The following PPP2R5E variants were observed in gnomAD, a reference collection of about 807,000 sequenced individuals.
The protein encoded by PPP2R5E is protein phosphatase 2 regulatory subunit B'epsilon, also known as serine/threonine-protein phosphatase 2A 56 kDa regulatory subunit epsilon isoform.
In PPP2R5E, 4 loss-of-function variants were observed where a neutral mutation model predicts 65.3. The ratio of observed to expected loss-of-function variants is 0.06; its 90% CI spans 0.03 to 0.14. The LOEUF is 0.14. PPP2R5E is among the 10% of genes least tolerant of loss of function. The pLI is 1.00. For missense variants in PPP2R5E, 274 were observed against 556.1 expected (o/e 0.49, Z 5.10); for synonymous variants, 183 against 187.4 (o/e 0.98, Z 0.19).
At chr14:63,407,202 G>A (rs896744048) in intron 5 of PPP2R5E, among the ~76,000 whole-genome samples, 2 of 152,016 alleles carry the variant, frequency 1.3e-5, no homozygotes, top group African/African-American at 2.4e-5. Flanking sequence ...GTCCAAGGTC[G>A]AATACAAAAA....
chr14:63,376,050 A>G lies in PPP2R5E; in HGVS notation c.1363T>C (p.Leu455=). 6.2e-7 allele frequency: 1 copy of G among 1,609,710 alleles called. No individual in the cohort carries two copies. The highest frequency in any genetic ancestry group is 8.5e-7 in the Non-Finnish European group (1 of 1,176,248). ...ELWKKLEDLE[L]KRGLRRDGII... Reference sequence around the variant, plus strand: ...CCATCACGTCTAAGACCTCTCTTTAACTCCAGATCCTCCAATTTTTTCCAC... The same window carrying G: ...CCATCACGTCTAAGACCTCTCTTTAGCTCCAGATCCTCCAATTTTTTCCAC... The change falls in exon 14 of 14, where the codon TTA becomes CTA. Residue 455 remains leucine, a synonymous_variant. Transcript: ENST00000337537.
In PPP2R5E at chr14:63,539,551, T is replaced by G; in HGVS notation, c.135A>C (p.Leu45Phe). The G allele has an allele frequency of 6.2e-7, 1 of 1,614,072 alleles. No individual in the cohort carries two copies. The highest frequency in any genetic ancestry group is 8.5e-7 in the Non-Finnish European group (1 of 1,179,940). Residue 45 changes from leucine (L) to phenylalanine (F), a missense_variant, in exon 2 of 14, where the codon TTA (leucine) becomes TTC (phenylalanine). Leu to Phe is a conservative substitution (Grantham distance 22). This residue lies in a region of PPP2R5E where 58 missense variants were observed against 64.8 expected (regional missense o/e 0.90). Coordinates refer to ENST00000337537, the MANE Select transcript of PPP2R5E (RefSeq NM_006246.5). Reference sequence around the variant, plus strand: ...TACCTTTTAGCAGCGGCAGAGGTGTTAACTCAATAGGCTTGCCTTGAGACC... The same window carrying G: ...TACCTTTTAGCAGCGGCAGAGGTGTGAACTCAATAGGCTTGCCTTGAGACC... Reference protein sequence around the residue: ...QFRSQGKPIELTPLPLLKDVP... With the variant: ...QFRSQGKPIEFTPLPLLKDVP...
chr14:63,401,728 T>C (rs960120667), intron 5 of PPP2R5E, among the ~76,000 whole-genome samples: 20 of 152,048 alleles, frequency 1.3e-4, no homozygotes, highest in Admixed American at 5.2e-4. Context: ...GAGAGAAAAT[T>C]TAGACTTATT....
intron 12 of PPP2R5E, among the ~76,000 whole-genome samples, chr14:63,384,162 T>G (rs1205125994): frequency 1.3e-5 from 2 of 151,972 alleles, no homozygotes; most frequent in African/African-American, 4.8e-5. Flanking sequence ...GGCCATGCTG[T>G]CAGTATCTAC....
At chr14:63,485,215 A>C (rs1186513756) in intron 2 of PPP2R5E, among the ~76,000 whole-genome samples, 1 of 151,758 alleles carries the variant, frequency 6.6e-6, no homozygotes, top group Non-Finnish European at 1.5e-5. Context: ...AAAAAAAAAA[A>C]ACATACTGGC....
intron 2 of PPP2R5E, among the ~76,000 whole-genome samples, chr14:63,533,486 G>A (rs1178488249): frequency 3.3e-5 from 5 of 151,960 alleles, no homozygotes; most frequent in African/African-American, 1.2e-4. Flanking sequence ...GCTTGAACCC[G>A]GAAGGCAGAG....
intron 4 of PPP2R5E, among the ~76,000 whole-genome samples, chr14:63,417,812 C>T (rs61302639): frequency 0.022 from 3,349 of 152,152 alleles, 132 homozygotes; most frequent in African/African-American, 0.077. Flanking sequence ...TTTTAACCAC[C>T]GCCACTTTTG....
intron 2 of PPP2R5E, among the ~76,000 whole-genome samples, chr14:63,527,897 T>C (rs929527336): frequency 7.3e-5 from 11 of 149,974 alleles, no homozygotes; most frequent in Non-Finnish European, 1.2e-4. Context: ...ATCGCGTCAC[T>C]GCACTCCAGC....
chr14:63,511,488 C>G (rs564027281), intron 2 of PPP2R5E, among the ~76,000 whole-genome samples: 1 of 152,314 alleles, frequency 6.6e-6, no homozygotes, highest in South Asian at 2.1e-4. Flanking sequence ...CTTAAATTGC[C>G]AAACCACAAA....
In PPP2R5E at chr14:63,382,051, G is replaced by C. The variant is rs373236513; in HGVS notation, c.1304+5C>G. The C allele has an allele frequency of 2.2e-5, 35 of 1,606,436 alleles. No individual in the cohort carries two copies. The highest frequency in any genetic ancestry group is 2.9e-5 in the Non-Finnish European group (34 of 1,175,932). On this transcript the variant is annotated splice_donor_5th_base_variant and intron_variant, in intron 13 of 13. Transcript: ENST00000337537. ...ACAGCTGACAAAAAAGCTTTAAAAA[G>C]TTACCGCTGACGATCTGACTTGTAT...
chr14:63,464,298 G>C (rs889597595), intron 2 of PPP2R5E, among the ~76,000 whole-genome samples: 6 of 152,186 alleles, frequency 3.9e-5, no homozygotes, highest in Non-Finnish European at 1.5e-5. Context: ...ATAATAGTGT[G>C]CAGGGCAAGG....
At chr14:63,423,416 T>C (rs1887148910) in intron 3 of PPP2R5E, among the ~76,000 whole-genome samples, 1 of 152,140 alleles carries the variant, frequency 6.6e-6, no homozygotes, top group Non-Finnish European at 1.5e-5. Flanking sequence ...ATTTCTATAG[T>C]AAAATGTTTA....
At chr14:63,430,369 ACATG>A (rs145725219) in intron 3 of PPP2R5E, among the ~76,000 whole-genome samples, 10,941 of 134,764 alleles carry the variant, frequency 0.081, 617 homozygotes, top group African/African-American at 0.19. Flanking sequence ...ATACATACAT[ACATG>A]CATGCATACA....
chr14:63,452,139 T>C (rs1888873884), intron 3 of PPP2R5E: 2 of 152,228 alleles, frequency 1.3e-5, no homozygotes, highest in South Asian at 4.1e-4. Flanking sequence ...TATTTATACA[T>C]ATGTTTGCAT....
intron 8 of PPP2R5E, among the ~76,000 whole-genome samples, chr14:63,392,831 G>A (rs1885102142): frequency 6.6e-6 from 1 of 152,224 alleles, no homozygotes; most frequent in East Asian, 1.9e-4. Context: ...CCAATGGGGG[G>A]AAGAGGGAGT....
intron 2 of PPP2R5E, among the ~76,000 whole-genome samples, chr14:63,516,995 T>G (rs1224306262): frequency 1.3e-5 from 2 of 152,142 alleles, no homozygotes; most frequent in African/African-American, 2.4e-5. Context: ...AACACTCACT[T>G]CCCTAAACGT....
chr14:63,392,838 G>A (rs937060877), intron 8 of PPP2R5E, among the ~76,000 whole-genome samples: 2 of 152,216 alleles, frequency 1.3e-5, no homozygotes, highest in African/African-American at 2.4e-5. Context: ...GGGGAAGAGG[G>A]AGTCAGAGTC....
At chr14:63,478,923 G>A (rs556586841) in intron 2 of PPP2R5E, among the ~76,000 whole-genome samples, 1 of 150,324 alleles carries the variant, frequency 6.7e-6, no homozygotes, top group East Asian at 1.9e-4. Context: ...AGGAGTTCGA[G>A]ACCAGCCTGG....
At chr14:63,475,466 C>T (rs1890363079) in intron 2 of PPP2R5E, among the ~76,000 whole-genome samples, 1 of 152,222 alleles carries the variant, frequency 6.6e-6, no homozygotes, top group African/African-American at 2.4e-5. Context: ...CCAATGAACA[C>T]TTTTAGTGAT....
Sources: gnomAD v4.1 joint callset for allele counts (sites outside exome capture counted in the v4.1 genomes callset) on GRCh38, gnomAD v4.1.1 for gene constraint, gnomAD v4.1.1 regional missense constraint, MANE v1.5 for transcripts, NCBI Gene and HGNC (gene_info 2026-07-23, HGNC 2026-07-21) for gene names.